Variants in FBXL17 observed in about 807,000 individuals in gnomAD.
The protein encoded by FBXL17 is F-box and leucine rich repeat protein 17.
Under a neutral mutation model 66.2 loss-of-function variants are expected in FBXL17, and 22 were observed. That is an observed-to-expected ratio of 0.33 (90% CI 0.24 to 0.47). FBXL17 has a LOEUF of 0.47. Among genes scored for constraint, FBXL17 ranks in the 20% least tolerant of loss-of-function variants. FBXL17 has a pLI of 1.00. For missense variants in FBXL17, 878 were observed against 948.2 expected (o/e 0.93, Z 0.97); for synonymous variants, 474 against 400.5 (o/e 1.18, Z -2.19).
chr5:108,305,676 A>G (rs1758803689), intron 4 of FBXL17, among the ~76,000 whole-genome samples: 1 of 152,102 alleles, frequency 6.6e-6, no homozygotes, highest in African/African-American at 2.4e-5. Context: ...AGTTCAGTCC[A>G]ATTGAGTTTT....
chr5:108,205,404 A>C (rs1446532297), intron 5 of FBXL17, among the ~76,000 whole-genome samples: 2 of 152,140 alleles, frequency 1.3e-5, no homozygotes, highest in African/African-American at 2.4e-5. Context: ...ACTAACAATA[A>C]TACTTTGTTA....
At chr5:108,209,364 G>A (rs1267471915) in intron 5 of FBXL17, among the ~76,000 whole-genome samples, 1 of 152,146 alleles carries the variant, frequency 6.6e-6, no homozygotes, top group Non-Finnish European at 1.5e-5. Flanking sequence ...GGAGTGGTGA[G>A]AGAGGGCATC....
chr5:108,338,693 T>A (rs576458756), intron 4 of FBXL17, among the ~76,000 whole-genome samples: 43 of 152,174 alleles, frequency 2.8e-4, no homozygotes, highest in African/African-American at 1.0e-3. Context: ...TATGGACTTA[T>A]CTGGCTTTTA....
intron 7 of FBXL17, among the ~76,000 whole-genome samples, chr5:108,013,184 T>C (rs1754250994): frequency 2.0e-5 from 3 of 152,138 alleles, no homozygotes; most frequent in Admixed American, 2.0e-4. Context: ...GATACTTGAT[T>C]AGTAGTGATA....
At chr5:107,942,466 C>T (rs113884016) in intron 7 of FBXL17, among the ~76,000 whole-genome samples, 113 of 152,286 alleles carry the variant, frequency 7.4e-4, no homozygotes, top group African/African-American at 2.3e-3. Flanking sequence ...TGATGACACA[C>T]CTATCTCTTC....
intron 5 of FBXL17, among the ~76,000 whole-genome samples, chr5:108,208,504 G>C (rs529591259): frequency 6.6e-6 from 1 of 152,248 alleles, no homozygotes; most frequent in East Asian, 1.9e-4. Context: ...TGTAAGCAAA[G>C]GGTCCAGTTT....
At chr5:107,993,191 G>A (rs569174837) in intron 7 of FBXL17, among the ~76,000 whole-genome samples, 4 of 152,020 alleles carry the variant, frequency 2.6e-5, no homozygotes, top group Non-Finnish European at 2.9e-5. Flanking sequence ...CACCGCACCC[G>A]GCCTGTTTTT....
At chr5:108,091,085 G>A (rs943197353) in intron 6 of FBXL17, among the ~76,000 whole-genome samples, 12 of 152,156 alleles carry the variant, frequency 7.9e-5, no homozygotes, top group African/African-American at 2.4e-4. Context: ...ACAATGTGAC[G>A]TTAGCAGAGC....
At chr5:108,371,721 G>A (rs1749051101) in intron 1 of FBXL17, among the ~76,000 whole-genome samples, 1 of 152,074 alleles carries the variant, frequency 6.6e-6, no homozygotes, top group Non-Finnish European at 1.5e-5. Flanking sequence ...TTAATAAAAA[G>A]TAGAAATTAT....
chr5:108,285,572 T>C (rs550394382), intron 4 of FBXL17, among the ~76,000 whole-genome samples: 26 of 151,922 alleles, frequency 1.7e-4, no homozygotes, highest in African/African-American at 3.9e-4. Flanking sequence ...ACCACATACA[T>C]TGTCAATGAG....
intron 6 of FBXL17, among the ~76,000 whole-genome samples, chr5:108,051,794 T>C (rs1747485982): frequency 6.6e-6 from 1 of 151,658 alleles, no homozygotes; most frequent in African/African-American, 2.4e-5. Context: ...GGCTAACACA[T>C]TGAAACCTCA....
At chr5:108,225,058 C>A (rs367835782) in intron 4 of FBXL17, among the ~76,000 whole-genome samples, 1 of 152,180 alleles carries the variant, frequency 6.6e-6, no homozygotes, top group Non-Finnish European at 1.5e-5. Flanking sequence ...TCACCACCCC[C>A]CAAAGACCCC....
chr5:108,078,856 G>C (rs1177689377), intron 6 of FBXL17, among the ~76,000 whole-genome samples: 1 of 152,156 alleles, frequency 6.6e-6, no homozygotes, highest in Non-Finnish European at 1.5e-5. Context: ...TAATCACTGT[G>C]TGATGTTCCC....
chr5:108,259,045 G>A (rs763396384), intron 4 of FBXL17, among the ~76,000 whole-genome samples: 4 of 152,064 alleles, frequency 2.6e-5, no homozygotes, highest in African/African-American at 7.2e-5. Context: ...GTGTCTGTGC[G>A]TTAAAAGTGG....
chr5:108,101,257 A>C (rs781033973), intron 6 of FBXL17, among the ~76,000 whole-genome samples: 4 of 152,256 alleles, frequency 2.6e-5, no homozygotes, highest in African/African-American at 4.8e-5. Context: ...ATGTGTGTAC[A>C]TAGACCTCTG....
intron 6 of FBXL17, among the ~76,000 whole-genome samples, chr5:108,049,659 C>G (rs1382420211): frequency 6.6e-6 from 1 of 152,154 alleles, no homozygotes; most frequent in Non-Finnish European, 1.5e-5. Flanking sequence ...ACCAATGACA[C>G]TATGAAGAAA....
At chr5:107,945,685 T>C (rs936726506) in intron 7 of FBXL17, among the ~76,000 whole-genome samples, 4 of 152,160 alleles carry the variant, frequency 2.6e-5, no homozygotes, top group Non-Finnish European at 5.9e-5. Flanking sequence ...ATATACATTG[T>C]TTACAGATGC....
At chr5:107,945,840 T>C (rs1032893730) in intron 7 of FBXL17, among the ~76,000 whole-genome samples, 21 of 152,154 alleles carry the variant, frequency 1.4e-4, no homozygotes, top group Non-Finnish European at 4.4e-5. Flanking sequence ...AGCTAAGGTA[T>C]ACTGATGTTT....
At chr5:108,253,363 A>G (rs887303926) in intron 4 of FBXL17, among the ~76,000 whole-genome samples, 1 of 152,126 alleles carries the variant, frequency 6.6e-6, no homozygotes, top group Non-Finnish European at 1.5e-5. Context: ...CATACCTGCT[A>G]AATGTATTAT....
Sources: allele counts gnomAD v4.1 joint callset (sites outside exome capture counted in the v4.1 genomes callset), GRCh38; gene constraint gnomAD v4.1.1; transcripts MANE v1.5; gene names NCBI Gene and HGNC (gene_info 2026-07-23, HGNC 2026-07-21).